Variants in CFAP61 observed in about 807,000 individuals in gnomAD.
CFAP61 encodes cilia- and flagella-associated protein 61.
CFAP61 carries 107 observed loss-of-function variants against 135.6 expected under a neutral mutation model. The ratio of observed to expected loss-of-function variants is 0.79; its 90% CI spans 0.67 to 0.93. The LOEUF (loss-of-function observed/expected upper bound fraction) is 0.93. CFAP61 is among the 40% of genes least tolerant of loss of function. CFAP61 has a pLI of 0.00. For missense variants in CFAP61, 1,507 were observed against 1,556.2 expected, an observed-to-expected ratio of 0.97 and a Z score of 0.53; for synonymous variants, 575 against 578.5, an observed-to-expected ratio of 0.99 and a Z score of 0.09.
intron 8 of CFAP61, among the ~76,000 whole-genome samples, chr20:20,128,999 T>C (rs1174302198): frequency 2.0e-5 from 3 of 151,540 alleles, no homozygotes; most frequent in African/African-American, 7.3e-5. Context: ...TAACTATTAT[T>C]ATAATTGTTA....
intron 25 of CFAP61, among the ~76,000 whole-genome samples, chr20:20,311,330 A>C (rs931886182): frequency 3.9e-5 from 6 of 152,194 alleles, no homozygotes; most frequent in African/African-American, 1.4e-4. Flanking sequence ...CTTTTTTCAA[A>C]TTTTGGGAGG....
intron 26 of CFAP61, among the ~76,000 whole-genome samples, 163 bp downstream of exon 26, chr20:20,342,084 T>C (rs1232010564): frequency 6.6e-6 from 1 of 151,714 alleles, no homozygotes; most frequent in Non-Finnish European, 1.5e-5. Context: ...ATGCAGACTG[T>C]GTTATTTCAG....
intron 5 of CFAP61, 35 bp from the exon 6 acceptor site, chr20:20,075,454 A>T: frequency 6.2e-7 from 1 of 1,609,490 alleles, no homozygotes; most frequent in Non-Finnish European, 8.5e-7. Context: ...ATTTCTTGAT[A>T]AATAAGGACA....
At chr20:20,247,929 C>G (rs373016469) in intron 19 of CFAP61, among the ~76,000 whole-genome samples, 2 of 152,284 alleles carry the variant, frequency 1.3e-5, no homozygotes, top group Admixed American at 6.5e-5. Flanking sequence ...CTGTTTTTTT[C>G]TTGCTACTTA....
At chr20:20,193,260 G>C (rs932190473) in intron 15 of CFAP61, among the ~76,000 whole-genome samples, 1 of 152,068 alleles carries the variant, frequency 6.6e-6, no homozygotes, top group Non-Finnish European at 1.5e-5. Context: ...CCTTCATTTA[G>C]TGTAATCGTG....
chr20:20,214,908 A>G (rs2047932757), intron 17 of CFAP61, among the ~76,000 whole-genome samples: 1 of 152,204 alleles, frequency 6.6e-6, no homozygotes, highest in African/African-American at 2.4e-5. Context: ...GGAGAGAGAG[A>G]AGCATCCACA....
chr20:20,315,752 A>T (rs1027712242), intron 25 of CFAP61, among the ~76,000 whole-genome samples: 1 of 152,214 alleles, frequency 6.6e-6, no homozygotes, highest in South Asian at 2.1e-4. Context: ...AGCTTTCTAC[A>T]TATGGCTAGC....
At chr20:20,074,844 G>A (rs1226881965) in intron 4 of CFAP61, among the ~76,000 whole-genome samples, 1 of 152,080 alleles carries the variant, frequency 6.6e-6, no homozygotes, top group Non-Finnish European at 1.5e-5. Context: ...TGGGGGTGGT[G>A]GTCACAGCTT....
At chr20:20,341,768 A>T in intron 25 of CFAP61, 63 bp from the exon 26 acceptor site, 4 of 1,173,546 alleles carry the variant, frequency 3.4e-6, no homozygotes, top group Non-Finnish European at 3.8e-6. Flanking sequence ...AAAAGCAGGT[A>T]AATACTTTAT....
intron 2 of CFAP61, among the ~76,000 whole-genome samples, chr20:20,059,389 G>C (rs2044633447): frequency 6.7e-6 from 1 of 149,606 alleles, no homozygotes; most frequent in East Asian, 2.0e-4. Context: ...TGCTGAGGTG[G>C]GCAGATCATC....
Position 20,168,758 on chromosome 20 carries a change from T to C in CFAP61, c.1246-563T>C, listed in dbSNP as rs558456659. ...CCCTCAGGACATGCAAGACCTCTTA[T>C]GTCTGCTAACTAAACCCACTGCCTG... On this transcript the variant is annotated intron_variant, in intron 12 of 26. Coordinates refer to ENST00000245957, the MANE Select transcript of CFAP61 (RefSeq NM_015585.4). 3.3e-5 allele frequency among the ~76,000 whole-genome samples: 5 copies of C among 152,342 alleles called. No homozygotes were observed. The South Asian group carries it at 8.3e-4, about 25-fold the overall frequency.
chr20:20,265,857 C>T (rs1569214601), intron 21 of CFAP61: 1 of 206,042 alleles, frequency 4.9e-6, no homozygotes, highest in Non-Finnish European at 9.8e-6. Flanking sequence ...TGTATCTTTT[C>T]TGTAATCCAG....
chr20:20,211,235 C>T (rs565885968), intron 17 of CFAP61, among the ~76,000 whole-genome samples: 8 of 152,310 alleles, frequency 5.3e-5, no homozygotes, highest in African/African-American at 1.2e-4. Context: ...GCCGGGGGCG[C>T]GGTCCTCCCA....
At chr20:20,249,633 A>C (rs2050735343) in intron 19 of CFAP61, among the ~76,000 whole-genome samples, 1 of 152,170 alleles carries the variant, frequency 6.6e-6, no homozygotes, top group African/African-American at 2.4e-5. Context: ...AAGTTTCCTA[A>C]AAATCAGTGG....
At chr20:20,302,245 T>G (rs867859849) in intron 25 of CFAP61, among the ~76,000 whole-genome samples, 6 of 152,238 alleles carry the variant, frequency 3.9e-5, no homozygotes, top group Admixed American at 1.3e-4. Context: ...TACCTGTAGA[T>G]TTTTAGATTT....
intron 21 of CFAP61, among the ~76,000 whole-genome samples, chr20:20,275,005 G>C (rs2053639488): frequency 1.4e-5 from 2 of 139,972 alleles, no homozygotes; most frequent in South Asian, 4.7e-4. Flanking sequence ...GGGCAGAGTG[G>C]ACGTCCTCAC....
At chr20:20,174,798 T>A (rs113995302) in intron 13 of CFAP61, among the ~76,000 whole-genome samples, 53 of 152,158 alleles carry the variant, frequency 3.5e-4, no homozygotes, top group African/African-American at 1.2e-3. Flanking sequence ...ATGAATTTGA[T>A]GGAATTTCAT....
intron 19 of CFAP61, among the ~76,000 whole-genome samples, chr20:20,248,555 C>CA (rs2050641236): frequency 6.6e-6 from 1 of 152,174 alleles, no homozygotes; most frequent in Non-Finnish European, 1.5e-5. Flanking sequence ...GAAAGGAAGG[C>CA]AGTGGGAGAG....
chr20:20,153,715 A>G (rs899561049), intron 9 of CFAP61, among the ~76,000 whole-genome samples: 10 of 152,078 alleles, frequency 6.6e-5, no homozygotes, highest in African/African-American at 2.4e-4. Context: ...TGAAACAATA[A>G]TTTTAAAATT....
Sources: allele counts gnomAD v4.1 joint callset (sites outside exome capture counted in the v4.1 genomes callset), GRCh38; gene constraint gnomAD v4.1.1; transcripts MANE v1.5; gene names NCBI Gene and HGNC (gene_info 2026-07-23, HGNC 2026-07-21).